APCDD1L: variants seen among roughly 807,000 people sequenced by gnomAD.
APCDD1L encodes the protein protein APCDD1-like.
APCDD1L carries 21 observed loss-of-function variants against 24.2 expected under a neutral mutation model. That is an observed-to-expected ratio of 0.87 (90% CI 0.61 to 1.25). The LOEUF (loss-of-function observed/expected upper bound fraction) is 1.25. APCDD1L is among the 50% of genes most tolerant of loss of function. The pLI, the probability that APCDD1L is intolerant of heterozygous loss-of-function variation, is 0.00. For synonymous variants in APCDD1L, 321 were observed against 323.6 expected (o/e 0.99, Z 0.09); for missense variants, 704 against 711.7 (o/e 0.99, Z 0.12).
intron 3 of APCDD1L, 127 bp downstream of exon 3, chr20:58,466,979 A>T: frequency 1.7e-6 from 2 of 1,181,462 alleles, no homozygotes; most frequent in Non-Finnish European, 2.3e-6. Flanking sequence ...GGGGAGGGGC[A>T]GTGATGACAG....
At chr20:58,478,831 T>C (rs1016696279) in intron 1 of APCDD1L, among the ~76,000 whole-genome samples, 2 of 151,690 alleles carry the variant, frequency 1.3e-5, no homozygotes, top group African/African-American at 4.9e-5. Flanking sequence ...AAAAGGGTGA[T>C]CAGTCAGGGA....
At position 58,494,280 on chromosome 20, in the gene APCDD1L, C is replaced by A. The variant is rs574568636; in HGVS notation, c.49+20379G>T. ...CTGCATTTCTTTTTTCTTTTCTTTT[C>A]TTTTCTTACTTTTCTTTTCTCTTCT... On this transcript the variant is annotated intron_variant, in intron 1 of 3. Coordinates refer to ENST00000371149, the MANE Select transcript of APCDD1L (RefSeq NM_153360.3). The surrounding 1 kb of genome is among the most constrained non-coding windows in gnomAD (Gnocchi z 4.8). Among the ~76,000 whole-genome samples, 36 of 139,608 alleles carry A rather than the reference C, an allele frequency of 2.6e-4. No individual in the cohort carries two copies. Among genetic ancestry groups the A allele is most frequent in the African/African-American group, 1.0e-3 (34 of 32,818 alleles). 91.6% of individuals were successfully genotyped at this position (139,608 alleles called of 152,430 possible).
At chr20:58,466,954 C>T in intron 3 of APCDD1L, 152 bp downstream of exon 3, 1 of 967,798 alleles carries the variant, frequency 1.0e-6, no homozygotes, top group Non-Finnish European at 1.5e-6. Flanking sequence ...TGTCCTGAGG[C>T]ACGCGGACCA....
chr20:58,475,252 T>G (rs761559457), intron 1 of APCDD1L, among the ~76,000 whole-genome samples: 2 of 152,184 alleles, frequency 1.3e-5, no homozygotes, highest in Non-Finnish European at 2.9e-5. Context: ...TACTTTTTTC[T>G]CCTGTAATCT....
chr20:58,484,601 G>A (rs1243289234), intron 1 of APCDD1L, among the ~76,000 whole-genome samples: 1 of 152,072 alleles, frequency 6.6e-6, no homozygotes, highest in African/African-American at 2.4e-5. Flanking sequence ...GATCTTTGTG[G>A]AAGGTTGATT....
At chr20:58,513,651 G>A (rs1416403765) in intron 1 of APCDD1L, among the ~76,000 whole-genome samples, 1 of 152,168 alleles carries the variant, frequency 6.6e-6, no homozygotes, top group Non-Finnish European at 1.5e-5. Context: ...CGGGGTTCTC[G>A]GCTGCCATTC....
At chr20:58,465,531 T>G (rs1305159905) in intron 3 of APCDD1L, among the ~76,000 whole-genome samples, 1 of 152,202 alleles carries the variant, frequency 6.6e-6, no homozygotes, top group Non-Finnish European at 1.5e-5. Context: ...CAAGAGGACT[T>G]CATGGGGATG....
At chr20:58,495,345 A>G (rs1990301211) in intron 1 of APCDD1L, among the ~76,000 whole-genome samples, 1 of 152,204 alleles carries the variant, frequency 6.6e-6, no homozygotes, top group Non-Finnish European at 1.5e-5. Flanking sequence ...GTGTGGGACC[A>G]TGTGCCTGAC....
intron 1 of APCDD1L, among the ~76,000 whole-genome samples, chr20:58,471,579 A>T (rs1338783734): frequency 2.0e-4 from 31 of 152,338 alleles, no homozygotes; most frequent in Non-Finnish European, 7.4e-5. Context: ...CTGGGCCTGG[A>T]GAAGTGAAGC....
Position 58,474,677 on chromosome 20 carries a change from C to A in APCDD1L, c.50-3930G>T, listed in dbSNP as rs115590358. Among the ~76,000 whole-genome samples, 1,274 of 152,348 alleles carry A rather than the reference C, an allele frequency of 8.4e-3. 19 individuals carry two copies. Among genetic ancestry groups the A allele is most frequent in the African/African-American group, 0.029 (1,203 of 41,572 alleles). ...CAAGATCATGTCATTGCACTCCAGACTGGGTGACAAGAGTGAGACTCAGTC... is the reference window on the plus strand; with the variant it reads ...CAAGATCATGTCATTGCACTCCAGAATGGGTGACAAGAGTGAGACTCAGTC... On this transcript the variant is annotated intron_variant, in intron 1 of 3. Transcript: ENST00000371149.
chr20:58,481,421 C>A (rs778549381), intron 1 of APCDD1L, among the ~76,000 whole-genome samples: 9 of 152,220 alleles, frequency 5.9e-5, no homozygotes, highest in Admixed American at 1.3e-4. Context: ...TCCTGGGATG[C>A]CCCCTTGAGC....
chr20:58,466,973 A>T, intron 3 of APCDD1L, 133 bp downstream of exon 3: 1 of 1,093,346 alleles, frequency 9.1e-7, no homozygotes, highest in Non-Finnish European at 1.3e-6. Flanking sequence ...CAGAGTGGGG[A>T]GGGGCAGTGA....
chr20:58,483,368 T>A (rs1600859490), intron 1 of APCDD1L, among the ~76,000 whole-genome samples: 1 of 149,914 alleles, frequency 6.7e-6, no homozygotes, highest in South Asian at 2.1e-4. Context: ...AGGTGTATGC[T>A]TTGAAAAGCA....
rs747539318 is a variant in APCDD1L, at chr20:58,486,854, G to GTTTTTTTTTTTTTT, written c.50-16121_50-16108dup. On this transcript the variant is annotated intron_variant, in intron 1 of 3. Coordinates refer to ENST00000371149, the MANE Select transcript of APCDD1L (RefSeq NM_153360.3). The stretch of plus-strand genomic sequence containing the variant: ...AGAAGGAAAATTTACTGGAGGGAAG[G>GTTTTTTTTTTTTTT]TTTTTTTTTTTTTTTTTTTTTTTTT... Among the ~76,000 whole-genome samples the GTTTTTTTTTTTTTT allele has an allele frequency of 3.0e-4, 24 of 80,438 alleles. 1 individual carries two copies. The highest frequency in any genetic ancestry group is 4.5e-4 in the Non-Finnish European group (21 of 46,814). The allele number at this position is 80,438 out of a possible 152,430, so 52.8% of individuals were successfully genotyped here.
Position 58,498,314 on chromosome 20 carries a change from C to T in APCDD1L, c.49+16345G>A, listed in dbSNP as rs560282704. 7.9e-5 allele frequency among the ~76,000 whole-genome samples: 12 copies of T among 152,246 alleles called. No individual in the cohort carries two copies. The South Asian group carries it at 1.4e-3, about 18-fold the overall frequency. Reference sequence around the variant, plus strand: ...GGAAGGGCAGCATTCTAATCCAAGCCGTGGGGTAGGCTGGTTGTGGCGTTG... The same window carrying T: ...GGAAGGGCAGCATTCTAATCCAAGCTGTGGGGTAGGCTGGTTGTGGCGTTG... On this transcript the variant is annotated intron_variant, in intron 1 of 3. Transcript: ENST00000371149.
intron 1 of APCDD1L, among the ~76,000 whole-genome samples, chr20:58,472,884 A>G (rs1395285082): frequency 2.6e-5 from 4 of 152,018 alleles, no homozygotes; most frequent in Non-Finnish European, 1.5e-5. Flanking sequence ...TCCCCATGCA[A>G]CTCGCCAGGA....
chr20:58,513,117 C>T (rs1990660618), intron 1 of APCDD1L, among the ~76,000 whole-genome samples: 1 of 152,158 alleles, frequency 6.6e-6, no homozygotes, highest in African/African-American at 2.4e-5. Context: ...GGCATGTGTC[C>T]CACCACTCTA....
chr20:58,480,695 G>A (rs911793608), intron 1 of APCDD1L, among the ~76,000 whole-genome samples: 1 of 152,232 alleles, frequency 6.6e-6, no homozygotes, highest in Non-Finnish European at 1.5e-5. Flanking sequence ...CTGGGGAGAC[G>A]AGTTCTGGCC....
In APCDD1L at chr20:58,467,296, T is replaced by A; in HGVS notation, c.551A>T (p.Asp184Val). The change falls in exon 3 of 4, where the codon GAC becomes GTC. Residue 184 changes from aspartate to valine, a missense_variant. By Grantham distance (152) the Asp-to-Val change is radical. Transcript: ENST00000371149. The surrounding 1 kb of genome is among the most constrained non-coding windows in gnomAD (Gnocchi z 5.9). ...YELRSARAQG[D>V]CLEALGLTMH... ...GGTGAGGCCCAGCGCCTCCAGGCAGTCCCCCTGAGCCCGGGCGCTCCGCAG... is the reference window on the plus strand; with the variant it reads ...GGTGAGGCCCAGCGCCTCCAGGCAGACCCCCTGAGCCCGGGCGCTCCGCAG... 1 of 1,542,466 alleles carries A rather than the reference T, an allele frequency of 6.5e-7. No individual in the cohort carries two copies. The highest frequency in any genetic ancestry group is 8.7e-7 in the Non-Finnish European group (1 of 1,151,144).
Sources: gnomAD v4.1 joint callset for allele counts (sites outside exome capture counted in the v4.1 genomes callset) on GRCh38, gnomAD v4.1.1 for gene constraint, Gnocchi (gnomAD v3.1) non-coding constraint, MANE v1.5 for transcripts, NCBI Gene and HGNC (gene_info 2026-07-23, HGNC 2026-07-21) for gene names.